The following TMTC1 variants were observed in gnomAD, a reference collection of about 807,000 sequenced individuals.
TMTC1 encodes the protein protein O-mannosyl-transferase TMTC1.
TMTC1 carries 73 observed loss-of-function variants against 104.8 expected under a neutral mutation model. The ratio of observed to expected loss-of-function variants is 0.70; its 90% CI spans 0.58 to 0.85. TMTC1 has a LOEUF of 0.85. Ranked by LOEUF, TMTC1 falls within the 40% of genes least tolerant of loss-of-function variation. The pLI, the probability that TMTC1 is intolerant of heterozygous loss-of-function variation, is 0.00. For missense variants in TMTC1, 1,035 were observed against 1,096.1 expected (o/e 0.94, Z 0.79); for synonymous variants, 434 against 428.7 (o/e 1.01, Z -0.15).
At chr12:29,661,419 ATT>A (rs773889232) in intron 5 of TMTC1, 10,828 of 368,662 alleles carry the variant, frequency 0.029, 2 homozygotes, top group Non-Finnish European at 0.034. Flanking sequence ...AGGTTAAGTA[ATT>A]TTTTTTTTTT....
At chr12:29,531,303 A>C (rs912331976) in intron 11 of TMTC1, among the ~76,000 whole-genome samples, 4 of 152,144 alleles carry the variant, frequency 2.6e-5, no homozygotes, top group Admixed American at 6.5e-5. Flanking sequence ...GTAGGAGAGA[A>C]CCTACCTGAC....
chr12:29,550,343 A>T (rs1164856267), intron 10 of TMTC1, among the ~76,000 whole-genome samples: 1 of 152,154 alleles, frequency 6.6e-6, no homozygotes, highest in East Asian at 1.9e-4. Context: ...TGCAAAAATC[A>T]GGGAGAAGAG....
chr12:29,607,332 G>T (rs1336581959), intron 6 of TMTC1, among the ~76,000 whole-genome samples: 1 of 152,194 alleles, frequency 6.6e-6, no homozygotes, highest in Non-Finnish European at 1.5e-5. Flanking sequence ...TGCCCGGTGT[G>T]AATATTTGCT....
intron 7 of TMTC1, among the ~76,000 whole-genome samples, chr12:29,584,978 T>C (rs1946089369): frequency 6.6e-6 from 1 of 150,384 alleles, no homozygotes; most frequent in Non-Finnish European, 1.5e-5. Flanking sequence ...CTGGGTCAAA[T>C]GGTATTTCTA....
chr12:29,776,600 T>C (rs1473233035), intron 1 of TMTC1, among the ~76,000 whole-genome samples: 1 of 152,244 alleles, frequency 6.6e-6, no homozygotes, highest in African/African-American at 2.4e-5. Flanking sequence ...CTTCTTTCAA[T>C]GATAAATCTT....
chr12:29,534,745 A>G (rs995038929), intron 11 of TMTC1: 3 of 152,220 alleles, frequency 2.0e-5, no homozygotes, highest in African/African-American at 7.2e-5. Context: ...CATTTTTAAA[A>G]TGAGCTTAGA....
At chr12:29,674,613 G>A (rs1001744980) in intron 5 of TMTC1, among the ~76,000 whole-genome samples, 1 of 152,206 alleles carries the variant, frequency 6.6e-6, no homozygotes, top group Non-Finnish European at 1.5e-5. Context: ...TAGTTCAGCT[G>A]TAAAGGTTGT....
At chr12:29,518,331 T>C in intron 13 of TMTC1, 141 bp downstream of exon 13, 1 of 909,950 alleles carries the variant, frequency 1.1e-6, no homozygotes, top group Non-Finnish European at 1.6e-6. Context: ...GTTGCTTTCT[T>C]TGGAGATAAA....
intron 2 of TMTC1, among the ~76,000 whole-genome samples, chr12:29,767,031 C>A (rs1943480810): frequency 6.6e-6 from 1 of 151,704 alleles, no homozygotes; most frequent in Non-Finnish European, 1.5e-5. Flanking sequence ...CTCACTGCAA[C>A]CTCCACCTCC....
At chr12:29,576,135 A>G (rs1380627317) in intron 8 of TMTC1, among the ~76,000 whole-genome samples, 1 of 152,190 alleles carries the variant, frequency 6.6e-6, no homozygotes, top group African/African-American at 2.4e-5. Context: ...GGTTGCTTAC[A>G]TATTTTGGAT....
chr12:29,558,198 T>C (rs1945294943), intron 9 of TMTC1, among the ~76,000 whole-genome samples: 2 of 152,350 alleles, frequency 1.3e-5, no homozygotes, highest in Non-Finnish European at 1.5e-5. Context: ...CTGGTAGGTT[T>C]GTTCCATCTC....
intron 11 of TMTC1, among the ~76,000 whole-genome samples, chr12:29,532,074 G>A (rs894656398): frequency 6.6e-5 from 10 of 151,806 alleles, no homozygotes; most frequent in Non-Finnish European, 1.3e-4. Flanking sequence ...AATTCTTCAG[G>A]GCTTTTTCCT....
chr12:29,527,638 C>T (rs973563984), intron 11 of TMTC1, among the ~76,000 whole-genome samples: 13 of 152,146 alleles, frequency 8.5e-5, no homozygotes, highest in Non-Finnish European at 1.5e-5. Context: ...GGTGTTTTTC[C>T]TGAAAGGAAC....
intron 9 of TMTC1, among the ~76,000 whole-genome samples, chr12:29,567,227 A>G (rs1347211028): frequency 1.3e-5 from 2 of 152,146 alleles, no homozygotes; most frequent in Non-Finnish European, 2.9e-5. Context: ...CCTGCTTGCA[A>G]ATCTTTGCCT....
intron 1 of TMTC1, among the ~76,000 whole-genome samples, chr12:29,771,061 G>A (rs1943584533): frequency 6.6e-6 from 1 of 152,098 alleles, no homozygotes; most frequent in Non-Finnish European, 1.5e-5. Context: ...ATGTCTCCTT[G>A]GACTGAGATC....
intron 6 of TMTC1, among the ~76,000 whole-genome samples, chr12:29,606,083 G>A (rs1170598898): frequency 3.9e-5 from 6 of 152,150 alleles, no homozygotes; most frequent in Non-Finnish European, 7.4e-5. Flanking sequence ...TGGTGTATAT[G>A]TACTACAATT....
chr12:29,576,739 AT>A (rs1322364661), intron 8 of TMTC1, among the ~76,000 whole-genome samples: 9 of 152,150 alleles, frequency 5.9e-5, no homozygotes, highest in Admixed American at 2.0e-4. Context: ...AGAATATGGT[AT>A]TGTATATTTT....
chr12:29,500,827 A>G (rs1176131702), downstream of TMTC1: 2 of 152,668 alleles, frequency 1.3e-5, no homozygotes, highest in Admixed American at 6.5e-5. Context: ...TGAGAGATTG[A>G]AACCAGACAT....
At chr12:29,706,836 T>C (rs886897336) in intron 5 of TMTC1, among the ~76,000 whole-genome samples, 1 of 152,028 alleles carries the variant, frequency 6.6e-6, no homozygotes, top group African/African-American at 2.4e-5. Context: ...TTGGGGGTGA[T>C]GAAGGATTTG....
Sources: allele counts gnomAD v4.1 joint callset (sites outside exome capture counted in the v4.1 genomes callset), GRCh38; gene constraint gnomAD v4.1.1; transcripts MANE v1.5; gene names NCBI Gene and HGNC (gene_info 2026-07-23, HGNC 2026-07-21).